CPQ: variants seen among roughly 807,000 people sequenced by gnomAD.
The protein encoded by CPQ is carboxypeptidase Q.
In CPQ, 37 loss-of-function variants were observed where a neutral mutation model predicts 45.7. That is an observed-to-expected ratio of 0.81 (90% confidence interval 0.62 to 1.07). The LOEUF (loss-of-function observed/expected upper bound fraction) is 1.07. Among genes scored for constraint, CPQ ranks in the 50% least tolerant of loss-of-function variants. CPQ has a pLI of 0.00. For missense variants in CPQ, 537 were observed against 572.9 expected, an observed-to-expected ratio of 0.94 and a Z score of 0.64; for synonymous variants, 186 against 205.8, an observed-to-expected ratio of 0.90 and a Z score of 0.82.
chr8:96,673,873 A>G (rs1160145054), intron 1 of CPQ, among the ~76,000 whole-genome samples: 1 of 152,170 alleles, frequency 6.6e-6, no homozygotes, highest in Non-Finnish European at 1.5e-5. Flanking sequence ...TCGCAATAAA[A>G]TGCTAAAGTT....
chr8:96,782,245 A>G (rs2130806641), intron 1 of CPQ, among the ~76,000 whole-genome samples: 1 of 152,322 alleles, frequency 6.6e-6, no homozygotes, highest in Non-Finnish European at 1.5e-5. Context: ...GAAGGTAGCC[A>G]TGCCTCCACA....
intron 7 of CPQ, among the ~76,000 whole-genome samples, chr8:97,123,081 T>TA (rs1452227520): frequency 4.4e-4 from 10 of 22,676 alleles, no homozygotes; most frequent in African/African-American, 8.1e-4. Flanking sequence ...TAAAATAAAA[T>TA]AAATAAAATA....
At chr8:97,054,134 A>G (rs1810411780) in intron 6 of CPQ, among the ~76,000 whole-genome samples, 2 of 152,192 alleles carry the variant, frequency 1.3e-5, no homozygotes, top group South Asian at 4.1e-4. Context: ...ACATTTCTCA[A>G]AAGAAGATAT....
intron 7 of CPQ, among the ~76,000 whole-genome samples, chr8:97,070,190 G>A (rs938774549): frequency 3.3e-5 from 5 of 152,018 alleles, no homozygotes; most frequent in African/African-American, 1.2e-4. Context: ...TAAATCCTCA[G>A]TGCTCTTTAA....
intron 3 of CPQ, among the ~76,000 whole-genome samples, chr8:96,855,362 C>CAGCA (rs1182610361): frequency 6.6e-6 from 1 of 152,108 alleles, no homozygotes; most frequent in East Asian, 1.9e-4. Context: ...GGGCTGGGAA[C>CAGCA]AGCAGTTCAT....
chr8:96,916,959 A>G (rs1205247232), intron 4 of CPQ, among the ~76,000 whole-genome samples: 1 of 152,092 alleles, frequency 6.6e-6, no homozygotes, highest in Non-Finnish European at 1.5e-5. Flanking sequence ...CAAACTATCA[A>G]AATGCTTATT....
intron 1 of CPQ, among the ~76,000 whole-genome samples, chr8:96,646,006 A>G (rs1344646286): frequency 6.9e-6 from 1 of 145,638 alleles, no homozygotes; most frequent in Non-Finnish European, 1.5e-5. Flanking sequence ...TTAACAAATG[A>G]GTAAGTGAAT....
chr8:96,864,557 T>G (rs1208779329), intron 3 of CPQ, among the ~76,000 whole-genome samples: 1 of 151,970 alleles, frequency 6.6e-6, no homozygotes, highest in Non-Finnish European at 1.5e-5. Flanking sequence ...TGGCTACATA[T>G]TCTATATTTT....
At chr8:96,645,649 C>T (rs1014173436) in intron 1 of CPQ, among the ~76,000 whole-genome samples, 3 of 151,888 alleles carry the variant, frequency 2.0e-5, no homozygotes, top group African/African-American at 7.3e-5. Flanking sequence ...GAAGCTGTGA[C>T]GTGGGGGTGG....
intron 7 of CPQ, chr8:97,133,170 T>C (rs6984205): frequency 0.24 from 36,115 of 152,130 alleles, 5,444 homozygotes; most frequent in Non-Finnish European, 0.33. Flanking sequence ...CACACATATA[T>C]ACCTATATAT....
chr8:96,971,803 C>T (rs1813683999), intron 5 of CPQ, among the ~76,000 whole-genome samples: 1 of 152,116 alleles, frequency 6.6e-6, no homozygotes, highest in African/African-American at 2.4e-5. Flanking sequence ...TATAATTGCA[C>T]TTATCGATGA....
Position 96,834,990 on chromosome 8 carries a change from CTGG to C in CPQ, c.457_459del (p.Val153del). On this transcript the variant is annotated inframe_deletion, in exon 3 of 8. Transcript: ENST00000220763. ...ATTTCTAGGCATTACAGCAGAAGTT[CTGG>C]TGGTGACCTCTTTCGATGAACTGCA... 6.2e-7 allele frequency: 1 copy of C among 1,612,848 alleles called. No individual in the cohort carries two copies. The highest frequency in any genetic ancestry group is 8.5e-7 in the Non-Finnish European group (1 of 1,179,468).
chr8:96,657,335 A>C (rs1379552624), intron 1 of CPQ, among the ~76,000 whole-genome samples: 1 of 151,758 alleles, frequency 6.6e-6, no homozygotes, highest in South Asian at 2.1e-4. Context: ...ACAGAGTGGG[A>C]CTCTGTCTCA....
intron 6 of CPQ, among the ~76,000 whole-genome samples, chr8:97,061,182 C>A (rs1001464414): frequency 6.6e-6 from 1 of 152,138 alleles, no homozygotes; most frequent in Non-Finnish European, 1.5e-5. Context: ...CACATCCTGT[C>A]TTATTTGGCT....
At chr8:97,055,680 T>G (rs147641680) in intron 6 of CPQ, 1 of 152,280 alleles carries the variant, frequency 6.6e-6, no homozygotes, top group African/African-American at 2.4e-5. Flanking sequence ...CAACAAGATT[T>G]GTTGATAGAT....
chr8:96,769,553 G>C (rs765195313), intron 1 of CPQ, among the ~76,000 whole-genome samples: 52 of 151,516 alleles, frequency 3.4e-4, no homozygotes, highest in Non-Finnish European at 6.5e-4. Context: ...CATCCTCTTT[G>C]GATTTCCGCA....
chr8:97,122,712 G>C (rs111262556), intron 7 of CPQ, among the ~76,000 whole-genome samples: 2 of 150,958 alleles, frequency 1.3e-5, no homozygotes, highest in Non-Finnish European at 2.9e-5. Flanking sequence ...AGCTGAAATC[G>C]CATCTCTACT....
At chr8:96,859,780 G>A (rs1429633127) in intron 3 of CPQ, among the ~76,000 whole-genome samples, 1 of 152,058 alleles carries the variant, frequency 6.6e-6, no homozygotes, top group African/African-American at 2.4e-5. Context: ...ATTGCATGAT[G>A]TCTGTGGCTT....
intron 6 of CPQ, among the ~76,000 whole-genome samples, chr8:97,036,823 T>A (rs925352507): frequency 2.0e-5 from 3 of 152,230 alleles, no homozygotes; most frequent in African/African-American, 7.2e-5. Context: ...TAGATTGATA[T>A]GTCTTATTCT....
Sources: gnomAD v4.1 joint callset for allele counts (sites outside exome capture counted in the v4.1 genomes callset) on GRCh38, gnomAD v4.1.1 for gene constraint, MANE v1.5 for transcripts, NCBI Gene and HGNC (gene_info 2026-07-23, HGNC 2026-07-21) for gene names.